The following PRKCE variants were observed in gnomAD, a reference collection of about 807,000 sequenced individuals.
PRKCE encodes the protein protein kinase C epsilon, also known as protein kinase C epsilon type.
Under a neutral mutation model 85.4 loss-of-function variants are expected in PRKCE, and 16 were observed. That is an observed-to-expected ratio of 0.19 (90% CI 0.13 to 0.28). The LOEUF is 0.28. PRKCE is among the 10% of genes least tolerant of loss of function. The pLI is 1.00. For missense variants in PRKCE, 573 were observed against 975.2 expected (o/e 0.59, Z 5.49); for synonymous variants, 388 against 371.5 (o/e 1.04, Z -0.51).
chr2:46,108,327 G>A (rs1671936750), intron 11 of PRKCE, among the ~76,000 whole-genome samples: 1 of 152,178 alleles, frequency 6.6e-6, no homozygotes, highest in South Asian at 2.1e-4. Context: ...TGTTAATAGT[G>A]TCTTTTAATG....
At chr2:46,022,853 G>A (rs534901592) in intron 10 of PRKCE, among the ~76,000 whole-genome samples, 2 of 152,190 alleles carry the variant, frequency 1.3e-5, no homozygotes, top group African/African-American at 4.8e-5. Flanking sequence ...GGAGGCCGAG[G>A]CGGGTGGATC....
At chr2:46,097,614 G>GC (rs141314133) in intron 11 of PRKCE, among the ~76,000 whole-genome samples, 22,197 of 151,460 alleles carry the variant, frequency 0.15, 1,752 homozygotes, top group Middle Eastern at 0.24. Flanking sequence ...TGAGAACCCG[G>GC]CCCAAGCCCT....
At chr2:45,755,374 A>G (rs1366926717) in intron 1 of PRKCE, among the ~76,000 whole-genome samples, 2 of 152,228 alleles carry the variant, frequency 1.3e-5, no homozygotes, top group South Asian at 2.1e-4. Context: ...TAGGTTAAGC[A>G]TATGATACAG....
At chr2:45,965,396 T>G (rs1391909756) in intron 2 of PRKCE, among the ~76,000 whole-genome samples, 1 of 151,874 alleles carries the variant, frequency 6.6e-6, no homozygotes, top group African/African-American at 2.4e-5. Context: ...GTTTGTTTTG[T>G]TTTCTTTCCA....
intron 1 of PRKCE, among the ~76,000 whole-genome samples, chr2:45,737,811 C>G (rs1259912980): frequency 6.6e-6 from 1 of 152,180 alleles, no homozygotes; most frequent in East Asian, 1.9e-4. Flanking sequence ...CCTCTGCTGA[C>G]TTGCGTACAT....
chr2:45,847,904 G>A (rs1691927739), intron 2 of PRKCE, among the ~76,000 whole-genome samples: 1 of 152,218 alleles, frequency 6.6e-6, no homozygotes, highest in Admixed American at 6.5e-5. Context: ...CCGAGCTCAA[G>A]GTTGGATCCT....
At chr2:45,763,416 G>A (rs1177511214) in intron 1 of PRKCE, among the ~76,000 whole-genome samples, 1 of 152,150 alleles carries the variant, frequency 6.6e-6, no homozygotes, top group Admixed American at 6.6e-5. Flanking sequence ...AAGGGCAGGG[G>A]CTGAAATGAT....
At chr2:46,154,517 A>G (rs953616969) in intron 13 of PRKCE, among the ~76,000 whole-genome samples, 1 of 132,850 alleles carries the variant, frequency 7.5e-6, no homozygotes, top group Non-Finnish European at 1.6e-5. Context: ...GGCTCTTTGA[A>G]GCTTTCAGGA....
chr2:46,061,104 C>CTTTTTTTTT (rs565280374), intron 10 of PRKCE, among the ~76,000 whole-genome samples: 5 of 103,496 alleles, frequency 4.8e-5, no homozygotes, highest in Admixed American at 1.0e-4. Context: ...CTTTTTTTTC[C>CTTTTTTTTT]TTTTTTTTTT....
At chr2:45,790,300 AT>A (rs753972668) in intron 1 of PRKCE, among the ~76,000 whole-genome samples, 12 of 152,238 alleles carry the variant, frequency 7.9e-5, no homozygotes, top group Non-Finnish European at 1.2e-4. Context: ...TTCAACCGAG[AT>A]TCAGGGGAAA....
chr2:45,862,521 G>A (rs1019769297), intron 2 of PRKCE, among the ~76,000 whole-genome samples: 2 of 152,196 alleles, frequency 1.3e-5, no homozygotes, highest in African/African-American at 2.4e-5. Context: ...GTACAAGAAT[G>A]CATCAGGCAT....
At chr2:45,959,714 A>G (rs552580754) in intron 2 of PRKCE, among the ~76,000 whole-genome samples, 3 of 152,230 alleles carry the variant, frequency 2.0e-5, no homozygotes, top group Admixed American at 6.5e-5. Flanking sequence ...TGCCTGTGTG[A>G]TGATTATATT....
intron 11 of PRKCE, among the ~76,000 whole-genome samples, chr2:46,122,171 G>T (rs563180899): frequency 8.5e-5 from 13 of 152,212 alleles, no homozygotes; most frequent in Admixed American, 8.5e-4. Context: ...CCACCATTCT[G>T]CCAATAGGTT....
At chr2:45,956,568 C>T (rs1403275080) in intron 2 of PRKCE, among the ~76,000 whole-genome samples, 3 of 151,942 alleles carry the variant, frequency 2.0e-5, no homozygotes, top group African/African-American at 7.3e-5. Context: ...ACCTGTAGTC[C>T]CAGCTACTCA....
At chr2:46,120,895 C>G (rs1040323929) in intron 11 of PRKCE, among the ~76,000 whole-genome samples, 8 of 152,196 alleles carry the variant, frequency 5.3e-5, no homozygotes, top group Non-Finnish European at 1.0e-4. Context: ...ATCCTGCCTT[C>G]TTACCGATGT....
chr2:46,155,363 G>C lies in PRKCE; in HGVS notation c.1920+4134G>C, dbSNP rs1463039233. On this transcript the variant is annotated intron_variant, in intron 13 of 14. Transcript: ENST00000306156. This position sits in a 1 kb window ranked among gnomAD's most constrained non-coding sequence, Gnocchi z 4.7. ...TCAGCTCCTTGCTGGTGTCACTCGC[G>C]GGCCCCTGTTCGGCTCCTTCATGAA... Among the ~76,000 whole-genome samples the C allele has an allele frequency of 6.6e-6, 1 of 152,018 alleles. No homozygotes were observed. Among genetic ancestry groups the C allele is most frequent in the Non-Finnish European group, 1.5e-5 (1 of 67,996 alleles).
intron 2 of PRKCE, among the ~76,000 whole-genome samples, chr2:45,896,197 G>A (rs575466190): frequency 6.6e-6 from 1 of 152,198 alleles, no homozygotes; most frequent in Non-Finnish European, 1.5e-5. Flanking sequence ...AGTGGTCTGT[G>A]TGGGGTCTAA....
At chr2:45,859,084 A>G (rs956828480) in intron 2 of PRKCE, among the ~76,000 whole-genome samples, 2 of 137,780 alleles carry the variant, frequency 1.5e-5, no homozygotes, top group African/African-American at 5.6e-5. Flanking sequence ...AAATAAATAA[A>G]TAAATAAAAT....
At chr2:45,999,653 A>T (rs1309205514) in intron 6 of PRKCE, among the ~76,000 whole-genome samples, 1 of 151,902 alleles carries the variant, frequency 6.6e-6, no homozygotes, top group African/African-American at 2.4e-5. Flanking sequence ...TCTGACATTA[A>T]TTTTGGGAAA....
Sources: gnomAD v4.1 joint callset for allele counts (sites outside exome capture counted in the v4.1 genomes callset) on GRCh38, gnomAD v4.1.1 for gene constraint, Gnocchi (gnomAD v3.1) non-coding constraint, MANE v1.5 for transcripts, NCBI Gene and HGNC (gene_info 2026-07-23, HGNC 2026-07-21) for gene names.